The following KIF26B variants were observed in gnomAD, a reference collection of about 807,000 sequenced individuals.
The protein encoded by KIF26B is kinesin-like protein KIF26B.
In KIF26B, 63 loss-of-function variants were observed where a neutral mutation model predicts 151.2. The ratio of observed to expected loss-of-function variants is 0.42; its 90% CI spans 0.34 to 0.51. The LOEUF (loss-of-function observed/expected upper bound fraction) is 0.51, where lower values mean the gene tolerates loss of function less well. KIF26B is among the 20% of genes least tolerant of loss of function. The pLI is 0.07. For synonymous variants in KIF26B, 1,357 were observed against 1,262.1 expected (o/e 1.08, Z -1.59); for missense variants, 2,813 against 2,913.6 (o/e 0.97, Z 0.79).
At chr1:245,279,162 G>T (rs1670991394) in intron 2 of KIF26B, among the ~76,000 whole-genome samples, 1 of 152,092 alleles carries the variant, frequency 6.6e-6, no homozygotes, top group Non-Finnish European at 1.5e-5. Flanking sequence ...AGGTAGTTTT[G>T]GAGCCATATG....
intron 2 of KIF26B, among the ~76,000 whole-genome samples, chr1:245,171,115 T>G (rs556763201): frequency 6.6e-6 from 1 of 152,136 alleles, no homozygotes; most frequent in African/African-American, 2.4e-5. Flanking sequence ...GGCAGGATGG[T>G]TTTTCCACGG....
At chr1:245,325,885 T>C (rs1671981064) in intron 2 of KIF26B, among the ~76,000 whole-genome samples, 1 of 152,114 alleles carries the variant, frequency 6.6e-6, no homozygotes, top group African/African-American at 2.4e-5. Context: ...GGAACTACTG[T>C]TGCAGGCTTG....
chr1:245,440,580 G>A (rs941408347), intron 4 of KIF26B, among the ~76,000 whole-genome samples: 1 of 152,156 alleles, frequency 6.6e-6, no homozygotes, highest in Non-Finnish European at 1.5e-5. Context: ...TTCGGGAGCA[G>A]ATCCCCAACT....
At position 245,646,278 on chromosome 1, in the gene KIF26B, C is replaced by T; in HGVS notation, c.2256C>T (p.Tyr752=). Residue 752 remains tyrosine (Y), a splice_region_variant and synonymous_variant, in exon 10 of 15, where the codon TAC becomes TAT. Transcript: ENST00000407071. Reference sequence around the variant, plus strand: ...TCAATGGCAGCAAACACATTCCATACAAGTAAGTGACTCTTCTACTCAAAG... The same window carrying T: ...TCAATGGCAGCAAACACATTCCATATAAGTAAGTGACTCTTCTACTCAAAG... The part of the protein sequence containing the change: ...ALVNGSKHIP[Y]KESKLAMLLR... 1 of 1,613,500 alleles carries T rather than the reference C, an allele frequency of 6.2e-7. No homozygotes were observed. The highest frequency in any genetic ancestry group is 8.5e-7 in the Non-Finnish European group (1 of 1,179,718).
chr1:245,194,722 C>A (rs1237112367), intron 2 of KIF26B, among the ~76,000 whole-genome samples: 4 of 152,120 alleles, frequency 2.6e-5, no homozygotes, highest in South Asian at 4.1e-4. Flanking sequence ...TTAGTGTTAA[C>A]CATGTTTAAC....
chr1:245,188,699 G>T (rs1476557345), intron 2 of KIF26B, among the ~76,000 whole-genome samples: 1 of 152,196 alleles, frequency 6.6e-6, no homozygotes, highest in East Asian at 1.9e-4. Flanking sequence ...TGATTCAGCA[G>T]TTCCACTTCT....
intron 4 of KIF26B, among the ~76,000 whole-genome samples, chr1:245,499,859 A>C (rs1048237626): frequency 6.6e-6 from 1 of 152,216 alleles, no homozygotes; most frequent in African/African-American, 2.4e-5. Flanking sequence ...TAAAGCAATC[A>C]TGGGTGCGAG....
At chr1:245,699,219 G>T (rs1356591273) in intron 14 of KIF26B, among the ~76,000 whole-genome samples, 182 bp downstream of exon 14, 1 of 152,126 alleles carries the variant, frequency 6.6e-6, no homozygotes, top group Non-Finnish European at 1.5e-5. Context: ...GGGCGGGAGG[G>T]GCCGGGACAG....
chr1:245,313,868 C>T (rs890205078), intron 2 of KIF26B, among the ~76,000 whole-genome samples: 8 of 152,168 alleles, frequency 5.3e-5, no homozygotes, highest in African/African-American at 1.9e-4. Flanking sequence ...AAGACTGAGG[C>T]CCATCCTGAT....
intron 2 of KIF26B, among the ~76,000 whole-genome samples, chr1:245,189,319 A>G (rs188701338): frequency 7.7e-4 from 117 of 152,366 alleles, no homozygotes; most frequent in Admixed American, 2.4e-3. Context: ...AGGTCTGGAA[A>G]GTGAACTCTG....
chr1:245,598,897 C>T (rs1221937760), intron 5 of KIF26B, among the ~76,000 whole-genome samples: 1 of 152,132 alleles, frequency 6.6e-6, no homozygotes, highest in Non-Finnish European at 1.5e-5. Flanking sequence ...GTCAGGGGGC[C>T]TTCCTGGCCA....
chr1:245,702,726 A>T lies in KIF26B; in HGVS notation c.*120A>T. ...ATGAATGAGGATGAAGGTTGGTGGC[A>T]AGTCTGGAGCGGGCGTTGAGCGGAA... On this transcript the variant is annotated 3_prime_UTR_variant, in exon 15 of 15. Transcript: ENST00000407071. This position sits in a 1 kb window ranked among gnomAD's most constrained non-coding sequence, Gnocchi z 4.1. The T allele has an allele frequency of 8.4e-7, 1 of 1,184,106 alleles. No individual in the cohort carries two copies. The allele number at this position is 1,184,106 out of a possible 1,614,324, so 73.3% of individuals were successfully genotyped here.
rs547559755 is a variant in KIF26B, at chr1:245,180,753, C to T, written c.465+24070C>T. On this transcript the variant is annotated intron_variant, in intron 2 of 14. Coordinates refer to ENST00000407071, the MANE Select transcript of KIF26B (RefSeq NM_018012.4). ...TAGGGGTGGGGGAAGAGAAGGAAGCCGAGCTACAGAGACATTCATACACTT... is the reference window on the plus strand; with the variant it reads ...TAGGGGTGGGGGAAGAGAAGGAAGCTGAGCTACAGAGACATTCATACACTT... 3.9e-5 allele frequency among the ~76,000 whole-genome samples: 6 copies of T among 152,252 alleles called. No homozygotes were observed. The South Asian group carries it at 1.0e-3, about 26-fold the overall frequency.
chr1:245,677,141 C>T (rs1371231254), intron 10 of KIF26B, among the ~76,000 whole-genome samples: 1 of 152,208 alleles, frequency 6.6e-6, no homozygotes, highest in Non-Finnish European at 1.5e-5. Flanking sequence ...TCAGGATAAG[C>T]AAGACATGAC....
intron 9 of KIF26B, among the ~76,000 whole-genome samples, chr1:245,614,405 C>T (rs1444813792): frequency 6.6e-6 from 1 of 152,184 alleles, no homozygotes; most frequent in East Asian, 1.9e-4. Context: ...GAACTCCTGA[C>T]CTCGTGATCC....
At chr1:245,467,607 G>A (rs1659823489) in intron 4 of KIF26B, among the ~76,000 whole-genome samples, 1 of 152,122 alleles carries the variant, frequency 6.6e-6, no homozygotes, top group Non-Finnish European at 1.5e-5. Context: ...TTTAAACATG[G>A]TTGGAGGCCG....
chr1:245,570,873 T>G (rs1457311728), intron 5 of KIF26B, among the ~76,000 whole-genome samples: 1 of 152,228 alleles, frequency 6.6e-6, no homozygotes, highest in Non-Finnish European at 1.5e-5. Flanking sequence ...GATATATTGG[T>G]CTTATTGTGC....
At chr1:245,677,796 AT>A (rs2044373939) in intron 10 of KIF26B, among the ~76,000 whole-genome samples, 1 of 152,212 alleles carries the variant, frequency 6.6e-6, no homozygotes, top group South Asian at 2.1e-4. Context: ...AAATAAAGTG[AT>A]TTTCCCTTTT....
At chr1:245,171,240 C>T (rs770174824) in intron 2 of KIF26B, among the ~76,000 whole-genome samples, 3 of 152,182 alleles carry the variant, frequency 2.0e-5, no homozygotes, top group East Asian at 1.9e-4. Context: ...TTAAGAGCAT[C>T]GTCTTTAATA....
Sources: gnomAD v4.1 joint callset for allele counts (sites outside exome capture counted in the v4.1 genomes callset) on GRCh38, gnomAD v4.1.1 for gene constraint, Gnocchi (gnomAD v3.1) non-coding constraint, MANE v1.5 for transcripts, NCBI Gene and HGNC (gene_info 2026-07-23, HGNC 2026-07-21) for gene names.